Variants in SLC35F1 observed in about 807,000 individuals in gnomAD.
SLC35F1 encodes chromosome 6 open reading frame 169.
In SLC35F1, 14 loss-of-function variants were observed where a neutral mutation model predicts 48.7. The observed-to-expected ratio is 0.29, with a 90% confidence interval of 0.19 to 0.45. SLC35F1 has a LOEUF of 0.45. Ranked by LOEUF, SLC35F1 falls within the 20% of genes least tolerant of loss-of-function variation. SLC35F1 has a pLI of 1.00. For synonymous variants in SLC35F1, 190 were observed against 202.2 expected, an observed-to-expected ratio of 0.94 and a Z score of 0.51; for missense variants, 404 against 500.0, an observed-to-expected ratio of 0.81 and a Z score of 1.83.
chr6:118,274,608 G>A (rs1212770953), intron 4 of SLC35F1, among the ~76,000 whole-genome samples: 2 of 152,084 alleles, frequency 1.3e-5, no homozygotes, highest in African/African-American at 4.8e-5. Context: ...ATATTGGCCA[G>A]GCTGGTCTCG....
At chr6:118,025,946 A>G (rs1771931996) in intron 1 of SLC35F1, among the ~76,000 whole-genome samples, 1 of 152,176 alleles carries the variant, frequency 6.6e-6, no homozygotes, top group African/African-American at 2.4e-5. Flanking sequence ...GGTTGCACCA[A>G]ATAAAGAGCA....
At chr6:118,304,580 G>A (rs1178826854) in intron 7 of SLC35F1, among the ~76,000 whole-genome samples, 1 of 152,008 alleles carries the variant, frequency 6.6e-6, no homozygotes, top group African/African-American at 2.4e-5. Flanking sequence ...ATTGATTTGT[G>A]GTGAACTTTT....
rs1774098908 is a variant in SLC35F1, at chr6:118,153,837, T to A, written c.174-608T>A. ...TGAGCAGAAGATGGCAGACACCTAA[T>A]GCTCATCAAAGCTTCCTAGAGCAAA... On this transcript the variant is annotated intron_variant, in intron 1 of 7. Transcript: ENST00000360388. 2.0e-5 allele frequency among the ~76,000 whole-genome samples: 3 copies of A among 152,172 alleles called. No individual in the cohort carries two copies. The South Asian group carries it at 6.2e-4, about 32-fold the overall frequency.
At chr6:117,927,300 A>G (rs1776041262) in intron 1 of SLC35F1, among the ~76,000 whole-genome samples, 1 of 152,228 alleles carries the variant, frequency 6.6e-6, no homozygotes, top group Admixed American at 6.5e-5. Context: ...GTTGAGATTC[A>G]CATGAAAATC....
At chr6:118,130,370 G>A (rs1369558314) in intron 1 of SLC35F1, among the ~76,000 whole-genome samples, 1 of 152,102 alleles carries the variant, frequency 6.6e-6, no homozygotes, top group Non-Finnish European at 1.5e-5. Context: ...TTCCACAGAA[G>A]CAAGTAAAAA....
chr6:117,912,535 A>G (rs1337290202), intron 1 of SLC35F1, among the ~76,000 whole-genome samples: 2 of 152,226 alleles, frequency 1.3e-5, no homozygotes, highest in East Asian at 1.9e-4. Flanking sequence ...TAGGAAATTA[A>G]TGGTGAGAAT....
At chr6:118,027,057 C>G (rs73521541) in intron 1 of SLC35F1, among the ~76,000 whole-genome samples, 11,800 of 152,204 alleles carry the variant, frequency 0.078, 1,575 homozygotes, top group African/African-American at 0.27. Context: ...GGATGATAAA[C>G]TATGTAGCCA....
At chr6:117,911,205 A>G (rs1775757519) in intron 1 of SLC35F1, among the ~76,000 whole-genome samples, 1 of 152,192 alleles carries the variant, frequency 6.6e-6, no homozygotes, top group Non-Finnish European at 1.5e-5. Context: ...AAAATAATTA[A>G]TGGGACATCA....
chr6:117,983,569 G>A (rs1478226861), intron 1 of SLC35F1, among the ~76,000 whole-genome samples: 1 of 151,974 alleles, frequency 6.6e-6, no homozygotes, highest in Non-Finnish European at 1.5e-5. Flanking sequence ...AGAGTGAGAC[G>A]CAGTGTCGAA....
chr6:118,093,118 C>G (rs1386194014), intron 1 of SLC35F1, among the ~76,000 whole-genome samples: 1 of 152,010 alleles, frequency 6.6e-6, no homozygotes, highest in South Asian at 2.1e-4. Flanking sequence ...TGGTTCGAAA[C>G]CAGCCTGGCC....
At chr6:118,260,194 G>T (rs574864601) in intron 3 of SLC35F1, among the ~76,000 whole-genome samples, 1 of 152,212 alleles carries the variant, frequency 6.6e-6, no homozygotes, top group South Asian at 2.1e-4. Context: ...ACAGAAAGTA[G>T]ATTCATGTTT....
intron 2 of SLC35F1, among the ~76,000 whole-genome samples, chr6:118,191,117 G>A (rs918293347): frequency 1.3e-5 from 2 of 152,114 alleles, no homozygotes; most frequent in African/African-American, 2.4e-5. Context: ...AAGGCCTCCT[G>A]GAAGTGTTCT....
At chr6:118,224,826 C>G (rs1259677941) in intron 2 of SLC35F1, among the ~76,000 whole-genome samples, 2 of 151,938 alleles carry the variant, frequency 1.3e-5, no homozygotes, top group Admixed American at 6.6e-5. Flanking sequence ...CTAGTTTTTT[C>G]TAAATATAAG....
rs193288484 is a variant in SLC35F1, at chr6:117,996,001, C to G, written c.173+88102C>G. ...AGCAGAGGGGAAGATTCATTAATGC[C>G]ATTTCCCATCTTTGTGGAAATAAGT... is the stretch of plus-strand genomic sequence containing the variant. On this transcript the variant is annotated intron_variant, in intron 1 of 7. Transcript: ENST00000360388. Among the ~76,000 whole-genome samples the G allele has an allele frequency of 2.3e-3, 351 of 152,212 alleles. 1 individual carries two copies. The highest frequency in any genetic ancestry group is 7.9e-3 in the African/African-American group (329 of 41,550).
intron 2 of SLC35F1, among the ~76,000 whole-genome samples, chr6:118,159,824 G>T (rs1202263145): frequency 6.6e-6 from 1 of 152,170 alleles, no homozygotes; most frequent in Non-Finnish European, 1.5e-5. Flanking sequence ...CAAAAATCGT[G>T]CTGCTTCCCA....
At chr6:118,295,072 G>A (rs1163688945) in intron 7 of SLC35F1, among the ~76,000 whole-genome samples, 4 of 152,074 alleles carry the variant, frequency 2.6e-5, no homozygotes, top group Admixed American at 6.6e-5. Flanking sequence ...GAGGACAGGT[G>A]TAGAGCTCCA....
At chr6:118,077,233 CG>C (rs1224823570) in intron 1 of SLC35F1, among the ~76,000 whole-genome samples, 2 of 152,096 alleles carry the variant, frequency 1.3e-5, no homozygotes, top group African/African-American at 4.8e-5. Flanking sequence ...CCAGGTTAGT[CG>C]GGGCTGCTGG....
intron 1 of SLC35F1, among the ~76,000 whole-genome samples, chr6:117,920,272 C>T (rs1263052980): frequency 1.3e-5 from 2 of 151,770 alleles, no homozygotes; most frequent in East Asian, 3.9e-4. Context: ...AACCAGGAGG[C>T]GGGGGAGGGG....
chr6:118,207,976 C>G (rs1774956862), intron 2 of SLC35F1, among the ~76,000 whole-genome samples: 1 of 152,182 alleles, frequency 6.6e-6, no homozygotes, highest in Non-Finnish European at 1.5e-5. Flanking sequence ...GAGTAGAAAG[C>G]TGGAAGTCAT....
Sources: gnomAD v4.1 joint callset for allele counts (sites outside exome capture counted in the v4.1 genomes callset) on GRCh38, gnomAD v4.1.1 for gene constraint, MANE v1.5 for transcripts, NCBI Gene and HGNC (gene_info 2026-07-23, HGNC 2026-07-21) for gene names.